The following PUM3 variants were observed in gnomAD, a reference collection of about 807,000 sequenced individuals.
The protein encoded by PUM3 is pumilio homolog 3.
PUM3 carries 91 observed loss-of-function variants against 84.0 expected under a neutral mutation model. The observed-to-expected ratio is 1.08, with a 90% CI of 0.91 to 1.29. The LOEUF (loss-of-function observed/expected upper bound fraction) is 1.29, where lower values mean the gene tolerates loss of function less well. Ranked by LOEUF, PUM3 falls within the 50% of genes most tolerant of loss-of-function variation. The probability of loss-of-function intolerance (pLI) is 0.00; values close to 1 mark genes in which losing one functional copy is unlikely to be tolerated. For missense variants in PUM3, 1,067 were observed against 767.5 expected (o/e 1.39, Z -4.61); for synonymous variants, 321 against 266.7 (o/e 1.20, Z -1.98).
chr9:2,807,928 T>C lies in PUM3; in HGVS notation c.1724-24A>G, dbSNP rs767213540. On this transcript the variant is annotated intron_variant, in intron 16 of 17. Transcript: ENST00000397885. ...ACCTGTAAAATATACTGAAGCTTAG[T>C]GAACATCACATAATAAGATATATAC... 4 of 1,432,736 alleles carry C rather than the reference T, an allele frequency of 2.8e-6. No individual in the cohort carries two copies. The South Asian group carries it at 4.6e-5, about 16-fold the overall frequency. The allele number at this position is 1,432,736 out of a possible 1,614,324, so 88.8% of individuals were successfully genotyped here.
chr9:2,822,634 T>G (rs897066045), intron 12 of PUM3, among the ~76,000 whole-genome samples: 1 of 150,898 alleles, frequency 6.6e-6, no homozygotes, highest in Admixed American at 6.6e-5. Context: ...TTTACTCATT[T>G]TAATGTAAGG....
intron 3 of PUM3, among the ~76,000 whole-genome samples, chr9:2,836,287 G>C (rs964664590): frequency 6.6e-6 from 1 of 152,188 alleles, no homozygotes; most frequent in Non-Finnish European, 1.5e-5. Flanking sequence ...GCAGTGTTAA[G>C]ACACGCTGTG....
intron 12 of PUM3, among the ~76,000 whole-genome samples, chr9:2,822,431 T>A (rs777180658): frequency 1.6e-4 from 24 of 152,114 alleles, no homozygotes; most frequent in Non-Finnish European, 3.1e-4. Flanking sequence ...TTCCAAATAA[T>A]CCATGGATCA....
chr9:2,833,781 AG>A (rs1816048538), intron 4 of PUM3, among the ~76,000 whole-genome samples: 1 of 152,224 alleles, frequency 6.6e-6, no homozygotes, highest in African/African-American at 2.4e-5. Flanking sequence ...GAAATCTCTC[AG>A]GAAGAATGTC....
chr9:2,816,829 C>A (rs1353808885), intron 13 of PUM3, among the ~76,000 whole-genome samples: 1 of 152,214 alleles, frequency 6.6e-6, no homozygotes, highest in East Asian at 1.9e-4. Flanking sequence ...AGATCACTAT[C>A]TGCTGATTAC....
At chr9:2,831,063 T>C in intron 6 of PUM3, 35 bp from the exon 7 acceptor site, 1 of 1,167,398 alleles carries the variant, frequency 8.6e-7, no homozygotes, top group South Asian at 1.3e-5. Context: ...TGACTTCAGA[T>C]CTCATTTCAG....
In PUM3 at chr9:2,811,385, C is replaced by G. The variant is rs1031319757; in HGVS notation, c.1611G>C (p.Leu537=). Residue 537 remains leucine (L), a synonymous_variant, in exon 15 of 18, where the codon CTG becomes CTC. Coordinates refer to ENST00000397885, the MANE Select transcript of PUM3 (RefSeq NM_014878.5). ...NAIASLAATG[L]HPGGKDGELH... ...CCTCTCCGTCCTTGCCACCAGGATG[C>G]AGTCCTGTTGCTGCCAAGCTGGCGA... is the stretch of plus-strand genomic sequence containing the variant. The G allele has an allele frequency of 6.2e-7, 1 of 1,614,102 alleles. No individual in the cohort carries two copies. The highest frequency in any genetic ancestry group is 8.5e-7 in the Non-Finnish European group (1 of 1,180,016).
At chr9:2,841,739 G>T (rs980163629) in intron 1 of PUM3, among the ~76,000 whole-genome samples, 2 of 149,472 alleles carry the variant, frequency 1.3e-5, no homozygotes, top group East Asian at 2.0e-4. Context: ...AAGGTTCTTA[G>T]ATCAGCCCTT....
chr9:2,843,246 C>CG (rs1816315578), intron 1 of PUM3, among the ~76,000 whole-genome samples: 1 of 152,164 alleles, frequency 6.6e-6, no homozygotes, highest in Non-Finnish European at 1.5e-5. Flanking sequence ...ATCTTGTACT[C>CG]TAACTATACT....
At chr9:2,805,421 C>T (rs1047832508) in intron 17 of PUM3, among the ~76,000 whole-genome samples, 1 of 152,106 alleles carries the variant, frequency 6.6e-6, no homozygotes, top group Non-Finnish European at 1.5e-5. Context: ...TTTGTAAATA[C>T]GGACCTCTGA....
intron 12 of PUM3, among the ~76,000 whole-genome samples, chr9:2,823,189 T>C (rs1358366166): frequency 1.3e-5 from 2 of 151,986 alleles, no homozygotes; most frequent in Non-Finnish European, 2.9e-5. Context: ...ACTAAAAACA[T>C]ATAAACACTA....
intron 6 of PUM3, 45 bp downstream of exon 6, chr9:2,831,206 G>A (rs1435496241): frequency 1.5e-6 from 2 of 1,334,190 alleles, no homozygotes; most frequent in South Asian, 1.2e-5. Context: ...GAAAACAAGT[G>A]ACTTATTGCA....
intron 17 of PUM3, among the ~76,000 whole-genome samples, chr9:2,805,996 T>G (rs1055163264): frequency 2.0e-5 from 3 of 152,242 alleles, no homozygotes; most frequent in Non-Finnish European, 4.4e-5. Flanking sequence ...TTTTTTTGTA[T>G]TATTGTTATA....
At chr9:2,809,790 C>T (rs770173314) in intron 16 of PUM3, among the ~76,000 whole-genome samples, 17 of 152,178 alleles carry the variant, frequency 1.1e-4, no homozygotes, top group Non-Finnish European at 2.5e-4. Flanking sequence ...TGAGTTTCTA[C>T]AGAGCAGCTG....
At chr9:2,829,631 G>T in intron 8 of PUM3, 143 bp downstream of exon 8, 1 of 674,850 alleles carries the variant, frequency 1.5e-6, no homozygotes, top group Non-Finnish European at 2.5e-6. Context: ...AATAAAGCAT[G>T]AGGGAAAATC....
Position 2,824,802 on chromosome 9 carries a change from G to C in PUM3, c.1049C>G (p.Ala350Gly). 1 of 1,567,248 alleles carries C rather than the reference G, an allele frequency of 6.4e-7. No individual in the cohort carries two copies. Among genetic ancestry groups the C allele is most frequent in the Non-Finnish European group, 8.7e-7 (1 of 1,150,192 alleles). Residue 350 changes from alanine to glycine, a missense_variant, in exon 11 of 18, where the codon GCC (alanine) becomes GGC (glycine). Ala to Gly is a moderately conservative substitution (Grantham distance 60, BLOSUM62 0). Transcript: ENST00000397885. The stretch of plus-strand genomic sequence containing the variant: ...CAGGTAGACCACCGCTTCGCGGATG[G>C]CTTCAATCATTTCCTAGGGAACAAA... ...PPKLRSEMIEAIREAVVYLAH... is the reference protein window; with the variant it reads ...PPKLRSEMIEGIREAVVYLAH...
rs1438459391 is a variant in PUM3, at chr9:2,810,337, AG to A, written c.1723+6del. The A allele has an allele frequency of 6.4e-7, 1 of 1,571,520 alleles. No homozygotes were observed. The highest frequency in any genetic ancestry group is 1.1e-5 in the South Asian group (1 of 89,998). On this transcript the variant is annotated splice_donor_region_variant and intron_variant, in intron 16 of 17. Coordinates refer to ENST00000397885, the MANE Select transcript of PUM3 (RefSeq NM_014878.5). ...GATACAAGAAAAGGTCAAATTTCAT[AG>A]CCTACCTTCTCTCCCATTTTCTTTC...
intron 1 of PUM3, among the ~76,000 whole-genome samples, chr9:2,843,120 T>G (rs866700034): frequency 5.9e-5 from 9 of 152,206 alleles, no homozygotes; most frequent in South Asian, 2.1e-4. Context: ...GTCTTCAATG[T>G]TTTCTACACA....
intron 7 of PUM3, 152 bp downstream of exon 7, chr9:2,830,810 T>C (rs529747574): frequency 1.3e-5 from 7 of 558,650 alleles, no homozygotes; most frequent in African/African-American, 9.7e-5. Context: ...GTATTTAAGA[T>C]GATACTCTCT....
Sources: allele counts gnomAD v4.1 joint callset (sites outside exome capture counted in the v4.1 genomes callset), GRCh38; gene constraint gnomAD v4.1.1; transcripts MANE v1.5; gene names NCBI Gene and HGNC (gene_info 2026-07-23, HGNC 2026-07-21).